Variants in ZNF782 observed in about 807,000 individuals in gnomAD.
ZNF782 encodes zinc finger protein 782.
In ZNF782, 12 loss-of-function variants were observed where a neutral mutation model predicts 13.0. The ratio of observed to expected loss-of-function variants is 0.92; its 90% CI spans 0.59 to 1.50. ZNF782 has a LOEUF of 1.50. Ranked by LOEUF, ZNF782 falls within the 40% of genes most tolerant of loss-of-function variation. The pLI, the probability that ZNF782 is intolerant of heterozygous loss-of-function variation, is 0.00. For synonymous variants in ZNF782, 284 were observed against 283.0 expected (o/e 1.00, Z -0.04); for missense variants, 770 against 822.9 (o/e 0.94, Z 0.79).
chr9:96,920,579 A>G, the ZNF782 span, among the ~76,000 whole-genome samples: 1 of 149,200 alleles, frequency 6.7e-6, no homozygotes, highest in Non-Finnish European at 1.5e-5. Flanking sequence ...AACCATTTTT[A>G]AAAAAATAAA....
rs1309651604 is a variant in ZNF782, at chr9:96,816,854, G to A, written c.*1069C>T. ...TGGGGATAAAAGCCATGGTCATTCA[G>A]GATGCTGTCCGAGATTTGTCCTATG... On this transcript the variant is annotated 3_prime_UTR_variant, in exon 6 of 6. Transcript: ENST00000481138. 6.6e-6 allele frequency: 1 copy of A among 152,154 alleles called. No individual in the cohort carries two copies. The highest frequency in any genetic ancestry group is 1.5e-5 in the Non-Finnish European group (1 of 68,018). 9.4% of individuals were successfully genotyped at this position (152,154 alleles called of 1,614,324 possible).
upstream of ZNF782, among the ~76,000 whole-genome samples, chr9:96,880,086 A>G (rs1311006485): frequency 1.3e-5 from 2 of 149,146 alleles, no homozygotes; most frequent in Non-Finnish European, 1.5e-5. Flanking sequence ...TCAGTTTCCA[A>G]TTGTTTTTGG....
chr9:96,873,858 T>C lies in ZNF782; in HGVS notation c.-457+1610A>G, dbSNP rs552056479. ...CGTGACTGAAAGTGGGCAGGTTCTCTGACAAATGTTTGGGGTATGGAAACT... is the reference window on the plus strand; with the variant it reads ...CGTGACTGAAAGTGGGCAGGTTCTCCGACAAATGTTTGGGGTATGGAAACT... On this transcript the variant is annotated intron_variant, in intron 1 of 5. Transcript: ENST00000498811. 3.3e-5 allele frequency among the ~76,000 whole-genome samples: 5 copies of C among 152,344 alleles called. No individual in the cohort carries two copies. The East Asian group carries it at 9.6e-4, about 29-fold the overall frequency.
intron 1 of ZNF782, among the ~76,000 whole-genome samples, 176 bp from the exon 2 acceptor site, chr9:96,853,245 C>T (rs367877067): frequency 6.6e-6 from 1 of 152,186 alleles, no homozygotes; most frequent in African/African-American, 2.4e-5. Flanking sequence ...CACCCACTGT[C>T]ACCCATTGTG....
chr9:96,864,765 C>G (rs895890164), intron 1 of ZNF782, among the ~76,000 whole-genome samples: 6 of 151,460 alleles, frequency 4.0e-5, no homozygotes, highest in African/African-American at 1.5e-4. Context: ...GATACAGTGG[C>G]TCATGTCTGT....
At chr9:96,894,714 A>G in the ZNF782 span, 1 of 152,110 alleles carries the variant, frequency 6.6e-6, no homozygotes. Context: ...ACAAGAGGAC[A>G]TGCTTTCTTT....
At chr9:96,837,684 G>A (rs1343062722) in intron 4 of ZNF782, among the ~76,000 whole-genome samples, 1 of 152,002 alleles carries the variant, frequency 6.6e-6, no homozygotes, top group Non-Finnish European at 1.5e-5. Context: ...CCATCTTATT[G>A]TTGGTTTTAC....
the ZNF782 span, among the ~76,000 whole-genome samples, chr9:96,921,632 G>A: frequency 1.6e-3 from 244 of 150,334 alleles, 1 homozygote; most frequent in African/African-American, 4.3e-3. Context: ...AGGCCAAGGC[G>A]GGCAGATCAC....
the ZNF782 span, among the ~76,000 whole-genome samples, chr9:96,902,209 G>C: frequency 6.6e-6 from 1 of 151,682 alleles, no homozygotes; most frequent in South Asian, 2.1e-4. Flanking sequence ...CGAGGCAGGC[G>C]GATCACTGGA....
chr9:96,854,921 TAA>T (rs552945321), upstream of ZNF782, among the ~76,000 whole-genome samples: 26 of 151,886 alleles, frequency 1.7e-4, no homozygotes, highest in African/African-American at 5.6e-4. Context: ...ATTTTTTTTT[TAA>T]AAAAAGGGAT....
chr9:96,869,521 G>C (rs1199229011), intron 1 of ZNF782, among the ~76,000 whole-genome samples: 2 of 152,188 alleles, frequency 1.3e-5, no homozygotes, highest in Non-Finnish European at 2.9e-5. Flanking sequence ...CCTAAGCCAA[G>C]AGACCTGCAC....
chr9:96,905,782 C>T, the ZNF782 span, among the ~76,000 whole-genome samples: 7 of 152,370 alleles, frequency 4.6e-5, no homozygotes, highest in South Asian at 1.4e-3. Flanking sequence ...GGCAGGGTTT[C>T]ACCATGTTGG....
chr9:96,903,945 C>A, the ZNF782 span, among the ~76,000 whole-genome samples: 1 of 151,906 alleles, frequency 6.6e-6, no homozygotes, highest in Non-Finnish European at 1.5e-5. Context: ...TTATAAAAGG[C>A]TGCCAAGTGT....
In ZNF782 at chr9:96,850,096, T is replaced by C. The variant is rs1851446889; in HGVS notation, c.15+1851A>G. On this transcript the variant is annotated intron_variant, in intron 3 of 5. Coordinates refer to ENST00000481138, the MANE Select transcript of ZNF782 (RefSeq NM_001001662.3). The surrounding 1 kb of genome is among the most constrained non-coding windows in gnomAD (Gnocchi z 4.3). ...TAGGACAACCTCTATGGAAAAAGTA[T>C]GGAGATTCCTTAAAGAACTAAAAGT... Among the ~76,000 whole-genome samples, 2 of 152,328 alleles carry C rather than the reference T, an allele frequency of 1.3e-5. No homozygotes were observed. The highest frequency in any genetic ancestry group is 6.8e-3 in the Middle Eastern group (2 of 292).
intron 5 of ZNF782, among the ~76,000 whole-genome samples, 197 bp downstream of exon 5, chr9:96,826,883 T>A (rs1056055919): frequency 6.6e-6 from 1 of 152,236 alleles, no homozygotes; most frequent in Non-Finnish European, 1.5e-5. Context: ...AAACTGTGCT[T>A]GGGGAACTAT....
the ZNF782 span, chr9:96,910,252 TG>T: frequency 1.6e-6 from 1 of 638,572 alleles, no homozygotes; most frequent in Non-Finnish European, 3.0e-6. Flanking sequence ...GGGAAGAAAG[TG>T]GGGAGGAAGA....
intron 5 of ZNF782, among the ~76,000 whole-genome samples, chr9:96,825,860 C>T (rs1294620656): frequency 6.6e-6 from 1 of 150,528 alleles, no homozygotes; most frequent in South Asian, 2.1e-4. Context: ...TACCATCTCA[C>T]ACCAGTTAGA....
At chr9:96,846,827 C>T (rs1157688731) in intron 3 of ZNF782, among the ~76,000 whole-genome samples, 3 of 152,142 alleles carry the variant, frequency 2.0e-5, no homozygotes, top group Non-Finnish European at 4.4e-5. Context: ...AAACAACACA[C>T]TAGAACAAAC....
the ZNF782 span, among the ~76,000 whole-genome samples, chr9:96,883,755 A>T: frequency 6.6e-6 from 1 of 152,202 alleles, no homozygotes; most frequent in Non-Finnish European, 1.5e-5. Context: ...GAAACAAAAC[A>T]ATAAACAAGC....
Sources: gnomAD v4.1 joint callset for allele counts (sites outside exome capture counted in the v4.1 genomes callset) on GRCh38, gnomAD v4.1.1 for gene constraint, Gnocchi (gnomAD v3.1) non-coding constraint, MANE v1.5 for transcripts, NCBI Gene and HGNC (gene_info 2026-07-23, HGNC 2026-07-21) for gene names.